Variants in PRIM2 observed in about 807,000 individuals in gnomAD.
PRIM2 encodes DNA primase subunit 2, also known as DNA primase large subunit.
A neutral mutation model predicts 67.3 loss-of-function variants in PRIM2; 39 were observed. The ratio of observed to expected loss-of-function variants is 0.58; its 90% CI spans 0.45 to 0.76. The LOEUF is 0.76. PRIM2 is among the 30% of genes least tolerant of loss of function. The pLI is 0.00. For synonymous variants in PRIM2, 143 were observed against 198.7 expected (o/e 0.72, Z 2.36); for missense variants, 398 against 598.7 (o/e 0.66, Z 3.50).
intron 7 of PRIM2, among the ~76,000 whole-genome samples, chr6:57,421,063 G>A (rs936989285): frequency 2.6e-5 from 4 of 152,112 alleles, no homozygotes; most frequent in African/African-American, 4.8e-5. Context: ...ATCTGAAAAC[G>A]AATCTTCTAG....
intron 10 of PRIM2, among the ~76,000 whole-genome samples, chr6:57,565,895 C>G (rs1215952962): frequency 1.3e-5 from 2 of 152,204 alleles, no homozygotes; most frequent in African/African-American, 4.8e-5. Flanking sequence ...ATATCCAGAT[C>G]ATGTTCCGAT....
At chr6:57,628,134 C>T (rs1582027716) in intron 12 of PRIM2, among the ~76,000 whole-genome samples, 1 of 152,170 alleles carries the variant, frequency 6.6e-6, no homozygotes, top group African/African-American at 2.4e-5. Flanking sequence ...TTGATACTTA[C>T]AAGCCACATA....
chr6:57,327,503 A>G (rs1050371976), intron 5 of PRIM2, among the ~76,000 whole-genome samples: 1 of 152,218 alleles, frequency 6.6e-6, no homozygotes, highest in African/African-American at 2.4e-5. Context: ...TTAGTGTCAA[A>G]TATATGCTAG....
intron 8 of PRIM2, among the ~76,000 whole-genome samples, chr6:57,523,516 C>T (rs1305393188): frequency 1.3e-5 from 2 of 152,180 alleles, no homozygotes; most frequent in Non-Finnish European, 2.9e-5. Context: ...TTTACTCTGT[C>T]AAATTTTCAT....
intron 7 of PRIM2, among the ~76,000 whole-genome samples, chr6:57,478,864 C>T (rs1433257273): frequency 1.4e-4 from 22 of 152,246 alleles, no homozygotes; most frequent in East Asian, 5.8e-4. Flanking sequence ...TTATTACATT[C>T]GGCTGGGCGC....
chr6:57,416,158 G>A (rs1771253023), intron 7 of PRIM2, among the ~76,000 whole-genome samples: 1 of 152,154 alleles, frequency 6.6e-6, no homozygotes, highest in Non-Finnish European at 1.5e-5. Flanking sequence ...TAAATAATAA[G>A]ATGTGAAAGT....
At chr6:57,422,606 CAAGTT>C (rs113479557) in intron 7 of PRIM2, among the ~76,000 whole-genome samples, 13,243 of 151,798 alleles carry the variant, frequency 0.087, 581 homozygotes, top group South Asian at 0.11. Context: ...ACTTAGATAC[CAAGTT>C]AATATACCAA....
intron 5 of PRIM2, among the ~76,000 whole-genome samples, chr6:57,363,850 A>G (rs1027385303): frequency 6.6e-6 from 1 of 151,768 alleles, no homozygotes; most frequent in African/African-American, 2.4e-5. Context: ...ACTTCCCTCT[A>G]CCTGTTCTTT....
At chr6:57,555,739 A>G (rs1775501972) in intron 10 of PRIM2, among the ~76,000 whole-genome samples, 5 of 152,184 alleles carry the variant, frequency 3.3e-5, no homozygotes, top group African/African-American at 1.2e-4. Flanking sequence ...TGGATGGGCC[A>G]TACCACAAAC....
At chr6:57,467,216 A>G (rs1773226300) in intron 7 of PRIM2, among the ~76,000 whole-genome samples, 1 of 150,794 alleles carries the variant, frequency 6.6e-6, no homozygotes, top group Non-Finnish European at 1.5e-5. Flanking sequence ...CTATGTCCTG[A>G]ATGGTATTGC....
chr6:57,267,435 C>A, the PRIM2 span, among the ~76,000 whole-genome samples: 1 of 151,926 alleles, frequency 6.6e-6, no homozygotes, highest in Admixed American at 6.6e-5. Flanking sequence ...GAGCTCAATC[C>A]CAGTGGCATC....
intron 12 of PRIM2, among the ~76,000 whole-genome samples, chr6:57,608,184 G>C (rs1776595243): frequency 6.6e-6 from 1 of 152,118 alleles, no homozygotes; most frequent in Non-Finnish European, 1.5e-5. Context: ...AATGGGGAGA[G>C]AGAGAGAAAA....
intron 10 of PRIM2, among the ~76,000 whole-genome samples, chr6:57,554,838 A>C (rs1383847708): frequency 5.3e-5 from 8 of 152,244 alleles, no homozygotes; most frequent in Non-Finnish European, 7.3e-5. Flanking sequence ...TCATTTAAAA[A>C]GTATAATTGC....
intron 5 of PRIM2, among the ~76,000 whole-genome samples, chr6:57,375,278 G>C (rs1188156195): frequency 9.2e-5 from 14 of 152,162 alleles, no homozygotes; most frequent in Non-Finnish European, 1.3e-4. Flanking sequence ...TAACATGAAG[G>C]GATGTTGAAT....
intron 7 of PRIM2, among the ~76,000 whole-genome samples, chr6:57,457,840 C>T (rs1254973782): frequency 7.2e-5 from 11 of 152,270 alleles, no homozygotes; most frequent in Middle Eastern, 3.4e-3. Context: ...CCCGGTACCT[C>T]GGTTGGAAAC....
At chr6:57,245,910 T>A in the PRIM2 span, among the ~76,000 whole-genome samples, 1 of 152,218 alleles carries the variant, frequency 6.6e-6, no homozygotes, top group Admixed American at 6.5e-5. Context: ...GCTTTAAAAT[T>A]ATTGAGAAAG....
At chr6:57,615,381 A>G (rs1418014096) in intron 12 of PRIM2, among the ~76,000 whole-genome samples, 1 of 149,608 alleles carries the variant, frequency 6.7e-6, no homozygotes, top group Non-Finnish European at 1.5e-5. Flanking sequence ...TGATCATGCC[A>G]CTGCACTCCA....
chr6:57,500,325 ACT>A (rs1421322267), intron 7 of PRIM2, among the ~76,000 whole-genome samples: 1 of 151,878 alleles, frequency 6.6e-6, no homozygotes, highest in Non-Finnish European at 1.5e-5. Flanking sequence ...GTCAGTTTTC[ACT>A]CTCTGCCTCT....
the PRIM2 span, among the ~76,000 whole-genome samples, chr6:57,258,903 A>T: frequency 6.6e-6 from 1 of 152,164 alleles, no homozygotes; most frequent in Non-Finnish European, 1.5e-5. Flanking sequence ...AGCAATGGAG[A>T]CTGACCTATC....
Sources: gnomAD v4.1 joint callset for allele counts (sites outside exome capture counted in the v4.1 genomes callset) on GRCh38, gnomAD v4.1.1 for gene constraint, MANE v1.5 for transcripts, NCBI Gene and HGNC (gene_info 2026-07-23, HGNC 2026-07-21) for gene names.